LPXN: variants seen among roughly 807,000 people sequenced by gnomAD.
LPXN encodes leupaxin.
LPXN carries 28 observed loss-of-function variants against 45.6 expected under a neutral mutation model. That is an observed-to-expected ratio of 0.61 (90% CI 0.45 to 0.84). The LOEUF (loss-of-function observed/expected upper bound fraction) is 0.84. Among genes scored for constraint, LPXN ranks in the 40% least tolerant of loss-of-function variants. The pLI, the probability that LPXN is intolerant of heterozygous loss-of-function variation, is 0.00. For synonymous variants in LPXN, 166 were observed against 169.9 expected, an observed-to-expected ratio of 0.98 and a Z score of 0.18; for missense variants, 459 against 475.0, an observed-to-expected ratio of 0.97 and a Z score of 0.31.
intron 2 of LPXN, 130 bp from the exon 3 acceptor site, chr11:58,564,331 GA>G (rs1208259277): frequency 4.1e-5 from 27 of 658,570 alleles, no homozygotes; most frequent in Non-Finnish European, 7.0e-5. Context: ...GCATATCTAT[GA>G]GCTCTTCTTT....
Position 58,527,287 on chromosome 11 carries a change from T to C in LPXN, c.*167A>G, listed in dbSNP as rs937292052. 4.2e-5 allele frequency: 27 copies of C among 638,502 alleles called. No individual in the cohort carries two copies. The highest frequency in any genetic ancestry group is 6.7e-5 in the Non-Finnish European group (25 of 372,574). The allele number at this position is 638,502 out of a possible 1,614,324, so 39.6% of individuals were successfully genotyped here. A position where few individuals can be genotyped will look rare whatever the true frequency, so the allele number is the denominator to read the frequency against. On this transcript the variant is annotated 3_prime_UTR_variant, in exon 9 of 9. Transcript: ENST00000395074. Reference sequence around the variant, plus strand: ...TGTATAGAAGCCTAAAAAATAAGATTATCAGCCTAGTCATGTAAAGTCTAG... The same window carrying C: ...TGTATAGAAGCCTAAAAAATAAGATCATCAGCCTAGTCATGTAAAGTCTAG...
At chr11:58,559,474 G>T (rs1465482224) in intron 3 of LPXN, among the ~76,000 whole-genome samples, 3 of 152,176 alleles carry the variant, frequency 2.0e-5, no homozygotes, top group Non-Finnish European at 2.9e-5. Flanking sequence ...GTTCATCCAT[G>T]CTATAGAATA....
upstream of LPXN, among the ~76,000 whole-genome samples, chr11:58,576,166 T>A (rs550808496): frequency 2.1e-4 from 32 of 151,786 alleles, no homozygotes; most frequent in Non-Finnish European, 4.0e-4. Flanking sequence ...ACTCTGAGCA[T>A]CTTTCTTTTT....
At chr11:58,556,955 A>G (rs1005224673) in intron 3 of LPXN, among the ~76,000 whole-genome samples, 1 of 152,204 alleles carries the variant, frequency 6.6e-6, no homozygotes, top group African/African-American at 2.4e-5. Flanking sequence ...AAGGTATTCA[A>G]CACCATTAAT....
intron 1 of LPXN, among the ~76,000 whole-genome samples, chr11:58,575,290 C>A (rs73470722): frequency 0.014 from 2,116 of 152,286 alleles, 58 homozygotes; most frequent in African/African-American, 0.048. Context: ...ACCACTCTGG[C>A]CTTTTTCCAA....
intron 7 of LPXN, among the ~76,000 whole-genome samples, chr11:58,531,832 G>A (rs566425760): frequency 2.0e-5 from 3 of 152,344 alleles, no homozygotes; most frequent in South Asian, 2.1e-4. Context: ...CCTTGGCCTC[G>A]GCATCCACTC....
intron 3 of LPXN, among the ~76,000 whole-genome samples, chr11:58,563,008 G>C (rs1854424358): frequency 1.3e-5 from 2 of 152,166 alleles, no homozygotes; most frequent in African/African-American, 2.4e-5. Flanking sequence ...ATGAGGAAGA[G>C]GGTGTCAATA....
intron 3 of LPXN, among the ~76,000 whole-genome samples, chr11:58,556,224 T>C (rs952778091): frequency 1.3e-5 from 2 of 151,984 alleles, no homozygotes; most frequent in Admixed American, 6.5e-5. Context: ...CAAAAATAGT[T>C]TGAAATTCAA....
In LPXN at chr11:58,534,463, A is replaced by G. The variant is rs117161259; in HGVS notation, c.743-6272T>C. Among the ~76,000 whole-genome samples, 138 of 152,264 alleles carry G rather than the reference A, an allele frequency of 9.1e-4. 1 individual carries two copies. The East Asian group carries it at 0.025, about 27-fold the overall frequency. Reference sequence around the variant, plus strand: ...AAATTAAGGCAGAAAGAAAGAAGTTATTTGAAGCCAATGAAAACAAAGACA... The same window carrying G: ...AAATTAAGGCAGAAAGAAAGAAGTTGTTTGAAGCCAATGAAAACAAAGACA... On this transcript the variant is annotated intron_variant, in intron 7 of 8. Transcript: ENST00000395074.
At chr11:58,555,777 C>T (rs1854185080) in intron 3 of LPXN, among the ~76,000 whole-genome samples, 2 of 151,702 alleles carry the variant, frequency 1.3e-5, no homozygotes, top group Admixed American at 6.6e-5. Context: ...TGCACACACA[C>T]ACACACACAC....
At chr11:58,547,619 GGA>G (rs1853913906) in intron 7 of LPXN, among the ~76,000 whole-genome samples, 1 of 152,180 alleles carries the variant, frequency 6.6e-6, no homozygotes, top group Admixed American at 6.5e-5. Context: ...AGCGAGGTCA[GGA>G]GAGAGGAAAG....
chr11:58,572,423 A>G (rs547504233), intron 1 of LPXN, among the ~76,000 whole-genome samples: 1 of 152,294 alleles, frequency 6.6e-6, no homozygotes, highest in East Asian at 1.9e-4. Flanking sequence ...GTAATGGGAA[A>G]AAAGAGATGA....
intron 7 of LPXN, among the ~76,000 whole-genome samples, chr11:58,537,143 C>G (rs1218560274): frequency 6.6e-6 from 1 of 152,240 alleles, no homozygotes; most frequent in African/African-American, 2.4e-5. Context: ...CCATTTGACT[C>G]AGCAATCCCA....
At chr11:58,531,575 C>T (rs1312082294) in intron 7 of LPXN, among the ~76,000 whole-genome samples, 8 of 152,066 alleles carry the variant, frequency 5.3e-5, no homozygotes, top group South Asian at 4.1e-4. Flanking sequence ...AACAAATCTA[C>T]GTTTGACTGG....
At chr11:58,557,306 CATCAATGGATGGACACCA>C (rs2120353289) in intron 3 of LPXN, among the ~76,000 whole-genome samples, 1 of 152,126 alleles carries the variant, frequency 6.6e-6, no homozygotes, top group East Asian at 1.9e-4. Context: ...CTTAAGTGTC[CATCAATGGATGGACACCA>C]ATGGAATAAA....
chr11:58,543,807 G>C (rs950608438), intron 7 of LPXN, among the ~76,000 whole-genome samples: 14 of 152,156 alleles, frequency 9.2e-5, no homozygotes, highest in African/African-American at 3.4e-4. Flanking sequence ...CACTAAGACA[G>C]CATGTAAGCA....
At chr11:58,553,153 T>C (rs1186988732) in intron 4 of LPXN, among the ~76,000 whole-genome samples, 1 of 151,924 alleles carries the variant, frequency 6.6e-6, no homozygotes, top group Non-Finnish European at 1.5e-5. Context: ...CTGGGCAACA[T>C]AGCAAAACCT....
At chr11:58,533,967 GAACT>G (rs1853473745) in intron 7 of LPXN, among the ~76,000 whole-genome samples, 1 of 152,124 alleles carries the variant, frequency 6.6e-6, no homozygotes, top group African/African-American at 2.4e-5. Flanking sequence ...GCAACAGGAA[GAACT>G]AACTATCCTA....
intron 3 of LPXN, among the ~76,000 whole-genome samples, chr11:58,561,920 T>C (rs1854390072): frequency 6.6e-6 from 1 of 152,246 alleles, no homozygotes; most frequent in South Asian, 2.1e-4. Context: ...GAAATGTTCC[T>C]GAAAAGAGAA....
Sources: allele counts gnomAD v4.1 joint callset (sites outside exome capture counted in the v4.1 genomes callset), GRCh38; gene constraint gnomAD v4.1.1; transcripts MANE v1.5; gene names NCBI Gene and HGNC (gene_info 2026-07-23, HGNC 2026-07-21).